ASPH: variants seen among roughly 807,000 people sequenced by gnomAD.
ASPH encodes aspartyl/asparaginyl beta-hydroxylase.
Under a neutral mutation model 118.4 loss-of-function variants are expected in ASPH, and 100 were observed. The observed-to-expected ratio is 0.84, with a 90% CI of 0.72 to 1.00. ASPH has a LOEUF of 1.00. Ranked by LOEUF, ASPH falls within the 50% of genes least tolerant of loss-of-function variation. ASPH has a pLI of 0.00. For missense variants in ASPH, 920 were observed against 919.5 expected (o/e 1.00, Z -0.01); for synonymous variants, 315 against 325.6 (o/e 0.97, Z 0.35).
intron 18 of ASPH, among the ~76,000 whole-genome samples, chr8:61,557,998 T>C (rs1464605058): frequency 6.6e-6 from 1 of 152,214 alleles, no homozygotes; most frequent in Non-Finnish European, 1.5e-5. Flanking sequence ...ATTAACAAAT[T>C]TATTGATTTA....
chr8:61,622,015 C>G (rs551947690), intron 13 of ASPH, among the ~76,000 whole-genome samples: 121 of 152,278 alleles, frequency 7.9e-4, no homozygotes, highest in African/African-American at 2.8e-3. Context: ...GTCATGCAAC[C>G]ACTAAAGCAA....
intron 14 of ASPH, among the ~76,000 whole-genome samples, chr8:61,610,537 GA>G (rs981780267): frequency 6.6e-6 from 1 of 152,088 alleles, no homozygotes; most frequent in African/African-American, 2.4e-5. Flanking sequence ...TGTATTTTAG[GA>G]ACCACTAAAA....
intron 15 of ASPH, chr8:61,578,893 G>T (rs1315516905): frequency 1.9e-6 from 3 of 1,612,498 alleles, no homozygotes; most frequent in Non-Finnish European, 2.5e-6. Flanking sequence ...AACTTCCTCA[G>T]GCAGCTGTAC....
intron 24 of ASPH, among the ~76,000 whole-genome samples, chr8:61,512,685 T>C (rs1443796521): frequency 6.6e-6 from 1 of 152,254 alleles, no homozygotes; most frequent in African/African-American, 2.4e-5. Context: ...TCTCCTCCAC[T>C]GTAAAACAGG....
intron 1 of ASPH, among the ~76,000 whole-genome samples, chr8:61,699,483 TAATGAATA>T (rs1834734153): frequency 6.6e-6 from 1 of 152,110 alleles, no homozygotes; most frequent in South Asian, 2.1e-4. Flanking sequence ...AAATGAAAAA[TAATGAATA>T]AATGAAGTAT....
Position 61,658,517 on chromosome 8 carries a change from T to C in ASPH, c.323-4857A>G, listed in dbSNP as rs549013542. 3 of 152,304 alleles carry C rather than the reference T, an allele frequency of 2.0e-5. No individual in the cohort carries two copies. In the East Asian group the frequency reaches 5.8e-4, roughly 29 times the overall value. 9.4% of individuals were successfully genotyped at this position (152,304 alleles called of 1,614,324 possible). On this transcript the variant is annotated intron_variant, in intron 3 of 24. Transcript: ENST00000379454. ...GGCACCTGGGACAAGAGGATGCCTT[T>C]GAATTCCATTTGAATTCTATCTCAG...
intron 3 of ASPH, chr8:61,663,155 G>A (rs956483253): frequency 2.0e-6 from 2 of 985,230 alleles, no homozygotes; most frequent in Non-Finnish European, 1.2e-6. Flanking sequence ...ACTTTCATAT[G>A]CCTGGGGGAC....
At chr8:61,528,025 G>A (rs1229923201) in intron 21 of ASPH, among the ~76,000 whole-genome samples, 1 of 152,144 alleles carries the variant, frequency 6.6e-6, no homozygotes. Flanking sequence ...TGAGCCAGAG[G>A]GAGTTCATCT....
intron 3 of ASPH, chr8:61,659,491 G>A (rs1002583644): frequency 1.3e-5 from 2 of 152,142 alleles, no homozygotes; most frequent in African/African-American, 4.8e-5. Flanking sequence ...GCAATAAATA[G>A]ATACACAAAG....
At chr8:61,598,241 T>G (rs959364227) in intron 14 of ASPH, among the ~76,000 whole-genome samples, 6 of 152,116 alleles carry the variant, frequency 3.9e-5, no homozygotes, top group African/African-American at 1.4e-4. Context: ...GAAACTCATT[T>G]CACCTGAAAC....
At chr8:61,548,014 A>ATTTTGAGGAGGG in intron 21 of ASPH, 57 bp downstream of exon 21, 1 of 1,501,568 alleles carries the variant, frequency 6.7e-7, no homozygotes, top group Admixed American at 2.1e-5. Context: ...ACATTTTCTG[A>ATTTTGAGGAGGG]TTTTGAGGAG....
In ASPH at chr8:61,604,524, C is replaced by T. The variant is rs563317524; in HGVS notation, c.976+14454G>A. ...TATTTTTATTACAATTATAGACGAT[C>T]ATGTTTTTTAACATAATGCACTACT... On this transcript the variant is annotated intron_variant, in intron 14 of 24. Coordinates refer to ENST00000379454, the MANE Select transcript of ASPH (RefSeq NM_004318.4). 3.3e-5 allele frequency among the ~76,000 whole-genome samples: 5 copies of T among 152,260 alleles called. No individual in the cohort carries two copies. In the South Asian group the frequency reaches 1.0e-3, roughly 32 times the overall value.
chr8:61,616,123 T>C (rs1354517398), intron 14 of ASPH, among the ~76,000 whole-genome samples: 2 of 152,202 alleles, frequency 1.3e-5, no homozygotes, highest in African/African-American at 4.8e-5. Context: ...AAAGTGCTAA[T>C]TTTAAATGGG....
At chr8:61,583,889 G>A in intron 15 of ASPH, 55 bp downstream of exon 15, 1 of 1,152,244 alleles carries the variant, frequency 8.7e-7, no homozygotes, top group Non-Finnish European at 1.3e-6. Context: ...CAAATCAAGA[G>A]TAATGCCTGA....
intron 14 of ASPH, among the ~76,000 whole-genome samples, chr8:61,590,436 T>C (rs988357014): frequency 3.9e-5 from 6 of 152,072 alleles, no homozygotes; most frequent in Non-Finnish European, 8.8e-5. Flanking sequence ...TGAAGGACTC[T>C]AGATGGCCAG....
At chr8:61,586,989 T>C (rs966474736) in intron 14 of ASPH, among the ~76,000 whole-genome samples, 4 of 152,348 alleles carry the variant, frequency 2.6e-5, no homozygotes, top group South Asian at 2.1e-4. Context: ...TCTGGAGCAG[T>C]GGGTATGTCC....
chr8:61,660,012 A>G (rs964745504), intron 3 of ASPH: 1 of 150,566 alleles, frequency 6.6e-6, no homozygotes, highest in African/African-American at 2.5e-5. Context: ...TTCAACTTCT[A>G]TTTAGATTCA....
chr8:61,638,679 G>A (rs1320019687), intron 10 of ASPH, among the ~76,000 whole-genome samples: 1 of 152,182 alleles, frequency 6.6e-6, no homozygotes, highest in Non-Finnish European at 1.5e-5. Flanking sequence ...GGATCCTGGT[G>A]TTCATGGGCA....
chr8:61,638,281 A>G (rs768991518), intron 11 of ASPH, 41 bp downstream of exon 11: 1 of 1,587,788 alleles, frequency 6.3e-7, no homozygotes, highest in South Asian at 1.2e-5. Context: ...ATACAGGGAA[A>G]GCTGACTTGC....
Sources: allele counts gnomAD v4.1 joint callset (sites outside exome capture counted in the v4.1 genomes callset), GRCh38; gene constraint gnomAD v4.1.1; transcripts MANE v1.5; gene names NCBI Gene and HGNC (gene_info 2026-07-23, HGNC 2026-07-21).